The following IGF2BP3 variants were observed in gnomAD, a reference collection of about 807,000 sequenced individuals.
The protein encoded by IGF2BP3 is insulin like growth factor 2 mRNA binding protein 3.
Under a neutral mutation model 73.8 loss-of-function variants are expected in IGF2BP3, and 9 were observed. The ratio of observed to expected loss-of-function variants is 0.12; its 90% confidence interval spans 0.07 to 0.21. IGF2BP3 has a LOEUF of 0.21. Among genes scored for constraint, IGF2BP3 ranks in the 10% least tolerant of loss-of-function variants. IGF2BP3 has a pLI of 1.00. For missense variants in IGF2BP3, 542 were observed against 714.0 expected (o/e 0.76, Z 2.75); for synonymous variants, 258 against 256.7 (o/e 1.01, Z -0.05).
chr7:23,338,769 T>C lies in IGF2BP3; in HGVS notation c.1203+3295A>G, dbSNP rs147284811. 6.5e-4 allele frequency among the ~76,000 whole-genome samples: 99 copies of C among 152,272 alleles called. No individual in the cohort carries two copies. In the East Asian group the frequency reaches 0.018, roughly 28 times the overall value. ...TATAATTTAAGTATGGGAAAAACAT[T>C]TTTTTCCCCTTAAGGCAGGGAATAA... On this transcript the variant is annotated intron_variant, in intron 10 of 14. Transcript: ENST00000258729.
chr7:23,426,897 A>G (rs1182558932), intron 2 of IGF2BP3, among the ~76,000 whole-genome samples: 1 of 151,954 alleles, frequency 6.6e-6, no homozygotes, highest in African/African-American at 2.4e-5. Flanking sequence ...TTTTTTAGCC[A>G]GAGTTATTCC....
intron 5 of IGF2BP3, among the ~76,000 whole-genome samples, chr7:23,353,895 C>T (rs1442748161): frequency 1.3e-5 from 2 of 152,070 alleles, no homozygotes; most frequent in African/African-American, 2.4e-5. Flanking sequence ...TAAAGGAAGA[C>T]GACAGCTGAT....
At chr7:23,464,866 C>T (rs570345499) in intron 2 of IGF2BP3, among the ~76,000 whole-genome samples, 107 of 152,094 alleles carry the variant, frequency 7.0e-4, no homozygotes, top group Non-Finnish European at 1.3e-3. Flanking sequence ...ACAATGCCAA[C>T]CGCTAAATCA....
chr7:23,444,115 G>A (rs1788001929), intron 2 of IGF2BP3, among the ~76,000 whole-genome samples: 1 of 152,162 alleles, frequency 6.6e-6, no homozygotes, highest in Non-Finnish European at 1.5e-5. Context: ...TAAAAAGACT[G>A]CTCTGAGGTT....
intron 2 of IGF2BP3, among the ~76,000 whole-genome samples, chr7:23,458,156 T>C (rs915803479): frequency 1.3e-5 from 2 of 152,182 alleles, no homozygotes; most frequent in African/African-American, 2.4e-5. Context: ...TGAAGCATCA[T>C]GTCCATTCTA....
At chr7:23,396,241 A>G (rs1461517610) in intron 3 of IGF2BP3, among the ~76,000 whole-genome samples, 2 of 152,052 alleles carry the variant, frequency 1.3e-5, no homozygotes, top group East Asian at 1.9e-4. Context: ...AATTAAATAT[A>G]AAGTGCTGGC....
intron 12 of IGF2BP3, among the ~76,000 whole-genome samples, chr7:23,316,204 C>A (rs1357880340): frequency 1.3e-5 from 2 of 152,178 alleles, no homozygotes; most frequent in African/African-American, 4.8e-5. Flanking sequence ...TCTCAAAGCA[C>A]CTCCTTCGTT....
At chr7:23,345,911 T>C in intron 8 of IGF2BP3, 29 bp downstream of exon 8, 1 of 1,605,916 alleles carries the variant, frequency 6.2e-7, no homozygotes, top group South Asian at 1.1e-5. Context: ...TTGGAAAGTT[T>C]TCTTATTCAA....
intron 3 of IGF2BP3, among the ~76,000 whole-genome samples, chr7:23,372,801 G>A (rs1162097333): frequency 2.6e-5 from 4 of 152,130 alleles, no homozygotes; most frequent in Non-Finnish European, 5.9e-5. Flanking sequence ...AGTGCTTTCT[G>A]GCAGCAGCAT....
At chr7:23,340,059 A>G (rs1562684466) in intron 10 of IGF2BP3, among the ~76,000 whole-genome samples, 2 of 152,308 alleles carry the variant, frequency 1.3e-5, no homozygotes, top group East Asian at 1.9e-4. Context: ...AGGTGAGAAA[A>G]CAAATCCAGA....
Position 23,313,735 on chromosome 7 carries a change from C to T in IGF2BP3, c.1396-82G>A. 3.6e-6 allele frequency: 5 copies of T among 1,369,924 alleles called. No homozygotes were observed. The South Asian group carries it at 6.4e-5, about 17-fold the overall frequency. 84.9% of individuals were successfully genotyped at this position (1,369,924 alleles called of 1,614,324 possible). A position where few individuals can be genotyped will look rare whatever the true frequency, so the allele number is the denominator to read the frequency against. On this transcript the variant is annotated intron_variant, in intron 12 of 14. Transcript: ENST00000258729. ...GTTAACTTGAAAGATGGCCCAAATC[C>T]AAGTGGGATAGCCCTTTGCAGTGAT...
intron 2 of IGF2BP3, among the ~76,000 whole-genome samples, chr7:23,444,829 A>C (rs1325937128): frequency 6.6e-6 from 1 of 151,986 alleles, no homozygotes; most frequent in Non-Finnish European, 1.5e-5. Context: ...CAGCAATCTG[A>C]GGCCGAAGGA....
rs532613820 is a variant in IGF2BP3, at chr7:23,339,474, A to G, written c.1203+2590T>C. On this transcript the variant is annotated intron_variant, in intron 10 of 14. Transcript: ENST00000258729. ...CCAGAGAATATGCAGTCTTATCTAC[A>G]TATTTTAAAAATAGTTACCTACAAG... Among the ~76,000 whole-genome samples, 4 of 152,364 alleles carry G rather than the reference A, an allele frequency of 2.6e-5. No homozygotes were observed. In the East Asian group the frequency reaches 5.8e-4, roughly 22 times the overall value.
chr7:23,403,106 T>G (rs911997433), intron 3 of IGF2BP3, among the ~76,000 whole-genome samples: 2 of 152,214 alleles, frequency 1.3e-5, no homozygotes, highest in African/African-American at 4.8e-5. Context: ...CCCTATAACC[T>G]GACAAAATAT....
intron 5 of IGF2BP3, among the ~76,000 whole-genome samples, chr7:23,351,968 GC>G (rs981237424): frequency 6.6e-5 from 10 of 152,354 alleles, no homozygotes; most frequent in Admixed American, 2.6e-4. Flanking sequence ...TGGGCTTCTT[GC>G]CTTGGCTAAT....
At chr7:23,321,300 A>G (rs1241460550) in intron 10 of IGF2BP3, among the ~76,000 whole-genome samples, 1 of 152,330 alleles carries the variant, frequency 6.6e-6, no homozygotes. Context: ...CTAGTCAAAG[A>G]AAGGGGTGAC....
At chr7:23,462,187 T>C (rs771622269) in intron 2 of IGF2BP3, among the ~76,000 whole-genome samples, 26 of 152,132 alleles carry the variant, frequency 1.7e-4, no homozygotes, top group Non-Finnish European at 2.6e-4. Context: ...AAGAATAAAT[T>C]GCTCTGAGCC....
chr7:23,356,315 T>G (rs941602666), intron 5 of IGF2BP3, among the ~76,000 whole-genome samples: 1 of 151,914 alleles, frequency 6.6e-6, no homozygotes, highest in African/African-American at 2.4e-5. Context: ...TCTAGCACTC[T>G]GGGAGGCCAA....
intron 10 of IGF2BP3, among the ~76,000 whole-genome samples, chr7:23,321,230 C>T (rs1333980876): frequency 1.3e-3 from 184 of 141,586 alleles, no homozygotes; most frequent in South Asian, 2.9e-3. Context: ...ATGGGTGAGC[C>T]GAAGCAGGGC....
Sources: allele counts gnomAD v4.1 joint callset (sites outside exome capture counted in the v4.1 genomes callset), GRCh38; gene constraint gnomAD v4.1.1; transcripts MANE v1.5; gene names NCBI Gene and HGNC (gene_info 2026-07-23, HGNC 2026-07-21).